CYP4V2: variants seen among roughly 807,000 people sequenced by gnomAD.
CYP4V2 encodes the protein cytochrome P450 4V2.
In CYP4V2, 55 loss-of-function variants were observed where a neutral mutation model predicts 60.8. The observed-to-expected ratio is 0.90, with a 90% CI of 0.73 to 1.13. The LOEUF (loss-of-function observed/expected upper bound fraction) is 1.13, where lower values mean the gene tolerates loss of function less well. CYP4V2 is among the 50% of genes most tolerant of loss of function. The pLI is 0.00. For synonymous variants in CYP4V2, 239 were observed against 236.8 expected (o/e 1.01, Z -0.08); for missense variants, 675 against 662.9 (o/e 1.02, Z -0.20).
At chr4:186,196,229 A>G (rs952436350) in intron 3 of CYP4V2, 141 bp downstream of exon 3, 2 of 806,736 alleles carry the variant, frequency 2.5e-6, no homozygotes, top group Non-Finnish European at 4.2e-6. Context: ...CTGGAAAGGA[A>G]GGTCCAGCTG....
chr4:186,206,230 T>C (rs771618408), intron 8 of CYP4V2, among the ~76,000 whole-genome samples: 3 of 152,136 alleles, frequency 2.0e-5, no homozygotes, highest in Non-Finnish European at 2.9e-5. Context: ...TGTGTGTGCA[T>C]GTGTGTGCTT....
In CYP4V2 at chr4:186,195,897, T is replaced by C. The variant is rs530455727; in HGVS notation, c.328-106T>C. On this transcript the variant is annotated intron_variant, in intron 2 of 10. Coordinates refer to ENST00000378802, the MANE Select transcript of CYP4V2 (RefSeq NM_207352.4). The surrounding 1 kb of genome is among the most constrained non-coding windows in gnomAD (Gnocchi z 4.1). Reference sequence around the variant, plus strand: ...AAATGAACGACGGAGAAAATAAATGTTGTGAATGCCCTAAAAACTAGCTGT... The same window carrying C: ...AAATGAACGACGGAGAAAATAAATGCTGTGAATGCCCTAAAAACTAGCTGT... 5.1e-6 allele frequency: 4 copies of C among 783,886 alleles called. No homozygotes were observed. Among genetic ancestry groups the C allele is most frequent in the African/African-American group, 5.1e-5 (3 of 58,816 alleles). The allele number at this position is 783,886 out of a possible 1,614,324, so 48.6% of individuals were successfully genotyped here.
At chr4:186,208,719 C>T (rs1354063015) in intron 8 of CYP4V2, 146 bp from the exon 9 acceptor site, 1 of 1,143,940 alleles carries the variant, frequency 8.7e-7, no homozygotes, top group Middle Eastern at 2.5e-4. Flanking sequence ...ATTTAGCATC[C>T]CCTGCCTTGA....
chr4:186,203,817 G>A (rs984721312), intron 7 of CYP4V2: 1 of 152,186 alleles, frequency 6.6e-6, no homozygotes, highest in African/African-American at 2.4e-5. Context: ...TGTCTTTTAA[G>A]AATTGCAGAA....
intron 2 of CYP4V2, among the ~76,000 whole-genome samples, chr4:186,194,902 G>GGCAA (rs1736106354): frequency 6.6e-6 from 1 of 152,088 alleles, no homozygotes; most frequent in Non-Finnish European, 1.5e-5. Context: ...TATTCCGCAA[G>GGCAA]GCAAGCACTT....
chr4:186,197,856 C>T (rs1200811902), intron 5 of CYP4V2, among the ~76,000 whole-genome samples: 1 of 152,084 alleles, frequency 6.6e-6, no homozygotes, highest in Non-Finnish European at 1.5e-5. Flanking sequence ...ATGATGCTTA[C>T]ATTATGATGC....
intron 1 of CYP4V2, among the ~76,000 whole-genome samples, chr4:186,192,559 A>T (rs1037289529): frequency 6.6e-6 from 1 of 152,226 alleles, no homozygotes; most frequent in Non-Finnish European, 1.5e-5. Context: ...AGGATGTTAC[A>T]TAATAACAAT....
chr4:186,210,699 G>C lies in CYP4V2; in HGVS notation c.*58G>C. 3 of 1,604,076 alleles carry C rather than the reference G, an allele frequency of 1.9e-6. No individual in the cohort carries two copies. In the South Asian group the frequency reaches 3.3e-5, roughly 18 times the overall value. ...AAGGTCTTTATTTTAAGAGATCCTT[G>C]TCATTTACAATTTACAGATCATGAG... On this transcript the variant is annotated 3_prime_UTR_variant, in exon 11 of 11. Transcript: ENST00000378802.
At chr4:186,205,905 T>C (rs1461259047) in intron 8 of CYP4V2, among the ~76,000 whole-genome samples, 1 of 152,008 alleles carries the variant, frequency 6.6e-6, no homozygotes, top group Non-Finnish European at 1.5e-5. Context: ...GAGGTGGGGG[T>C]ACCGGGTGTG....
intron 8 of CYP4V2, among the ~76,000 whole-genome samples, chr4:186,207,620 TA>T (rs1159122936): frequency 1.5e-4 from 22 of 149,714 alleles, no homozygotes; most frequent in Admixed American, 1.1e-3. Flanking sequence ...CCTTAAATGT[TA>T]TTTTTTTTTT....
In CYP4V2 at chr4:186,205,225, T is replaced by A; in HGVS notation, c.1013T>A (p.Ile338Lys). Reference protein sequence around the residue: ...FEGHDTTAAAINWSLYLLGSN... With the variant: ...FEGHDTTAAAKNWSLYLLGSN... ...GGGCACGATACAACTGCAGCTGCAA[T>A]AAACTGGTCCTTATACCTGTTGGGT... The change falls in exon 8 of 11, where the codon ATA becomes AAA. Residue 338 changes from isoleucine (I) to lysine (K), a missense_variant. Ile to Lys is a moderately radical substitution (Grantham distance 102). Coordinates refer to ENST00000378802, the MANE Select transcript of CYP4V2 (RefSeq NM_207352.4). 1 of 1,614,252 alleles carries A rather than the reference T, an allele frequency of 6.2e-7. No individual in the cohort carries two copies. The highest frequency in any genetic ancestry group is 1.7e-5 in the Admixed American group (1 of 60,030).
intron 8 of CYP4V2, among the ~76,000 whole-genome samples, chr4:186,207,372 A>T (rs1351099711): frequency 6.8e-6 from 1 of 146,452 alleles, no homozygotes; most frequent in Non-Finnish European, 1.5e-5. Flanking sequence ...AGATTGCACC[A>T]CTGCATTCCA....
In CYP4V2 at chr4:186,195,905, G is replaced by C; in HGVS notation, c.328-98G>C. On this transcript the variant is annotated intron_variant, in intron 2 of 10. Coordinates refer to ENST00000378802, the MANE Select transcript of CYP4V2 (RefSeq NM_207352.4). The surrounding 1 kb of genome is among the most constrained non-coding windows in gnomAD (Gnocchi z 4.1). ...GACGGAGAAAATAAATGTTGTGAAT[G>C]CCCTAAAAACTAGCTGTATTCTAGC... 1.2e-6 allele frequency: 1 copy of C among 812,974 alleles called. No individual in the cohort carries two copies. The highest frequency in any genetic ancestry group is 2.1e-6 in the Non-Finnish European group (1 of 476,540). The allele number at this position is 812,974 out of a possible 1,614,324, so 50.4% of individuals were successfully genotyped here.
chr4:186,199,705 A>G (rs1297888473), intron 6 of CYP4V2, among the ~76,000 whole-genome samples: 2 of 152,262 alleles, frequency 1.3e-5, no homozygotes, highest in South Asian at 2.1e-4. Flanking sequence ...CTAACTAGAT[A>G]TTAGTATTCT....
chr4:186,209,279 A>G lies in CYP4V2; in HGVS notation c.1405+7A>G. The stretch of plus-strand genomic sequence containing the variant: ...GGCCCCAGGAACTGTATAGGTTTGT[A>G]TCCATCTGAATTGGTTTGACCTTTC... On this transcript the variant is annotated splice_region_variant and intron_variant, in intron 10 of 10. Coordinates refer to ENST00000378802, the MANE Select transcript of CYP4V2 (RefSeq NM_207352.4). The G allele has an allele frequency of 6.2e-7, 1 of 1,613,792 alleles. No homozygotes were observed. Among genetic ancestry groups the G allele is most frequent in the Non-Finnish European group, 8.5e-7 (1 of 1,180,010 alleles).
chr4:186,205,968 G>A (rs1736484969), intron 8 of CYP4V2, among the ~76,000 whole-genome samples: 1 of 152,194 alleles, frequency 6.6e-6, no homozygotes. Flanking sequence ...GAGGTTCACA[G>A]CAGCGACGTC....
chr4:186,193,999 T>TCAGAC (rs1210371811), intron 1 of CYP4V2, among the ~76,000 whole-genome samples: 1 of 152,192 alleles, frequency 6.6e-6, no homozygotes, highest in Non-Finnish European at 1.5e-5. Flanking sequence ...GTCCCCTCTG[T>TCAGAC]CAGACCAGAC....
chr4:186,197,644 T>C (rs767954060), intron 5 of CYP4V2, 42 bp downstream of exon 5: 37 of 1,593,680 alleles, frequency 2.3e-5, no homozygotes, highest in Non-Finnish European at 3.2e-5. Context: ...TTATTATTGA[T>C]TTAGGCTTTA....
chr4:186,194,625 G>T lies in CYP4V2; in HGVS notation c.327+13G>T. The T allele has an allele frequency of 6.3e-7, 1 of 1,592,430 alleles. No individual in the cohort carries two copies. Among genetic ancestry groups the T allele is most frequent in the South Asian group, 1.1e-5 (1 of 90,568 alleles). On this transcript the variant is annotated intron_variant, in intron 2 of 10. Transcript: ENST00000378802. ...AGAAAATGTGGAGGTGGGTACATGT[G>T]AATATGATCAGTATTGTACTGTGTA...
Sources: gnomAD v4.1 joint callset for allele counts (sites outside exome capture counted in the v4.1 genomes callset) on GRCh38, gnomAD v4.1.1 for gene constraint, Gnocchi (gnomAD v3.1) non-coding constraint, MANE v1.5 for transcripts, NCBI Gene and HGNC (gene_info 2026-07-23, HGNC 2026-07-21) for gene names.